The following XPO5 variants were observed in gnomAD, a reference collection of about 807,000 sequenced individuals.
XPO5 encodes exportin-5.
In XPO5, 46 loss-of-function variants were observed where a neutral mutation model predicts 160.6. That is an observed-to-expected ratio of 0.29 (90% CI 0.23 to 0.37). The LOEUF is 0.37. Among genes scored for constraint, XPO5 ranks in the 10% least tolerant of loss-of-function variants. XPO5 has a pLI of 1.00. For synonymous variants in XPO5, 537 were observed against 519.3 expected, an observed-to-expected ratio of 1.03 and a Z score of -0.46; for missense variants, 1,090 against 1,463.9, an observed-to-expected ratio of 0.74 and a Z score of 4.17.
At chr6:43,538,808 C>T (rs1027706300) in intron 20 of XPO5, 253 of 836,554 alleles carry the variant, frequency 3.0e-4, no homozygotes, top group South Asian at 1.2e-3. Context: ...CTTTATTTTT[C>T]TTGTATAAAA....
intron 15 of XPO5, 112 bp from the exon 16 acceptor site, chr6:43,550,046 T>C (rs1261974125): frequency 5.2e-6 from 6 of 1,158,434 alleles, no homozygotes; most frequent in Admixed American, 4.0e-5. Context: ...TTCTCCTGCT[T>C]TAGCCTTCTG....
At position 43,522,673 on chromosome 6, in the gene XPO5, A is replaced by AAAC. The variant is rs1185809083; in HGVS notation, c.*1192_*1194dup. The AAAC allele has an allele frequency of 2.1e-6, 1 of 481,912 alleles. No homozygotes were observed. The highest frequency in any genetic ancestry group is 2.1e-5 in the Admixed American group (1 of 48,042). 29.9% of individuals were successfully genotyped at this position (481,912 alleles called of 1,614,324 possible). On this transcript the variant is annotated 3_prime_UTR_variant, in exon 32 of 32. Coordinates refer to ENST00000265351, the MANE Select transcript of XPO5 (RefSeq NM_020750.3). ...CCTGCCTGTGGCCCGCACCAGCTAA[A>AAAC]AACTGTAGCTTCAGTCCACTTCGGC... is the stretch of plus-strand genomic sequence containing the variant.
intron 20 of XPO5, among the ~76,000 whole-genome samples, chr6:43,545,472 C>T (rs760950678): frequency 8.6e-5 from 13 of 151,864 alleles, no homozygotes; most frequent in Non-Finnish European, 1.8e-4. Context: ...TTTGGGAGGC[C>T]GAGGTGGACT....
chr6:43,554,719 G>A (rs1467411555), intron 13 of XPO5, among the ~76,000 whole-genome samples: 1 of 152,034 alleles, frequency 6.6e-6, no homozygotes, highest in Non-Finnish European at 1.5e-5. Context: ...CACCCTGCCT[G>A]GCCTAAGATT....
At chr6:43,553,534 C>G in intron 13 of XPO5, 31 bp from the exon 14 acceptor site, 1 of 1,529,584 alleles carries the variant, frequency 6.5e-7, no homozygotes, top group Non-Finnish European at 8.8e-7. Context: ...CATACACACA[C>G]ACACACACAC....
At chr6:43,557,127 C>CA (rs58974895) in intron 12 of XPO5, among the ~76,000 whole-genome samples, 8,056 of 60,806 alleles carry the variant, frequency 0.13, 747 homozygotes, top group African/African-American at 0.29. Context: ...GACTCCATCT[C>CA]AAAAAAAAAA....
Position 43,529,325 on chromosome 6 carries a change from G to A in XPO5, c.2678-400C>T, listed in dbSNP as rs774522589. 21 of 687,122 alleles carry A rather than the reference G, an allele frequency of 3.1e-5. No individual in the cohort carries two copies. The East Asian group carries it at 8.0e-4, about 26-fold the overall frequency. 42.6% of individuals were successfully genotyped at this position (687,122 alleles called of 1,614,324 possible). On this transcript the variant is annotated intron_variant, in intron 23 of 31. Coordinates refer to ENST00000265351, the MANE Select transcript of XPO5 (RefSeq NM_020750.3). ...TGGGAGGCCAAGGCGAGTGGATCAC[G>A]GGGTCAAGAGAGCGAGACCATCCTG... is the stretch of plus-strand genomic sequence containing the variant.
At chr6:43,574,776 C>A (rs747278721) in intron 1 of XPO5, among the ~76,000 whole-genome samples, 4 of 152,158 alleles carry the variant, frequency 2.6e-5, no homozygotes, top group Non-Finnish European at 2.9e-5. Flanking sequence ...CAGGAACATG[C>A]AGAATCACTG....
chr6:43,552,499 T>C (rs1339187829), intron 14 of XPO5, among the ~76,000 whole-genome samples: 3 of 152,096 alleles, frequency 2.0e-5, no homozygotes, highest in Non-Finnish European at 2.9e-5. Flanking sequence ...ATTACAGACA[T>C]GCACCAGCAT....
At chr6:43,547,493 A>T in intron 19 of XPO5, 115 bp downstream of exon 19, 1 of 864,326 alleles carries the variant, frequency 1.2e-6, no homozygotes, top group Non-Finnish European at 1.9e-6. Context: ...GGAAGTGGAG[A>T]CTCCCACGTT....
chr6:43,527,641 G>T lies in XPO5; in HGVS notation c.2913C>A (p.Asp971Glu). The T allele has an allele frequency of 6.2e-7, 1 of 1,613,866 alleles. No homozygotes were observed. The highest frequency in any genetic ancestry group is 1.1e-5 in the South Asian group (1 of 91,074). ...TTTCGACATGCCACTTACTGATTAG[G>T]TCCATGACTTCTCGGGTTAACATCC... ...LVRMLTREVM[D>E]LITVCCVSKK... The change falls in exon 26 of 32, where the codon GAC becomes GAA. Residue 971 changes from aspartate (D) to glutamate (E), a missense_variant. Coordinates refer to ENST00000265351, the MANE Select transcript of XPO5 (RefSeq NM_020750.3).
intron 8 of XPO5, 34 bp downstream of exon 8, chr6:43,565,626 A>G (rs754752891): frequency 9.2e-6 from 14 of 1,517,956 alleles, no homozygotes; most frequent in Non-Finnish European, 1.1e-5. Flanking sequence ...TGACAAAGAA[A>G]TTAGAAAACA....
chr6:43,543,762 C>T (rs763158864), intron 20 of XPO5, among the ~76,000 whole-genome samples: 11 of 151,940 alleles, frequency 7.2e-5, no homozygotes, highest in Non-Finnish European at 1.3e-4. Context: ...CTGCAACCTC[C>T]ACCTCCCAGG....
intron 24 of XPO5, among the ~76,000 whole-genome samples, chr6:43,528,465 C>CCCTAGACATACCTGT (rs551505717): frequency 6.3e-4 from 96 of 152,192 alleles, no homozygotes; most frequent in African/African-American, 2.2e-3. Flanking sequence ...ATTCCTGGGT[C>CCCTAGACATACCTGT]TCTAGACATA....
intron 25 of XPO5, 110 bp downstream of exon 25, chr6:43,528,049 A>G (rs967546586): frequency 8.9e-5 from 100 of 1,128,228 alleles, no homozygotes; most frequent in Non-Finnish European, 1.2e-4. Context: ...AATGACTACA[A>G]CCTACTGCTC....
chr6:43,575,926 C>A lies in XPO5; in HGVS notation c.-62G>T. On this transcript the variant is annotated 5_prime_UTR_variant, in exon 1 of 32. Transcript: ENST00000265351. Reference sequence around the variant, plus strand: ...GTCCCGGGACCACGAGGCACGACAGCTCCCTCGGCGAGACCACCCGTTGGT... The same window carrying A: ...GTCCCGGGACCACGAGGCACGACAGATCCCTCGGCGAGACCACCCGTTGGT... 6.5e-7 allele frequency: 1 copy of A among 1,540,836 alleles called. No homozygotes were observed. Among genetic ancestry groups the A allele is most frequent in the Non-Finnish European group, 8.9e-7 (1 of 1,125,116 alleles).
intron 5 of XPO5, 40 bp from the exon 6 acceptor site, chr6:43,568,777 A>G (rs1366169765): frequency 6.5e-7 from 1 of 1,527,220 alleles, no homozygotes; most frequent in South Asian, 1.3e-5. Context: ...TTAATGAGCA[A>G]AAGGCCACAT....
At chr6:43,553,114 G>A (rs1354143057) in intron 14 of XPO5, among the ~76,000 whole-genome samples, 1 of 152,158 alleles carries the variant, frequency 6.6e-6, no homozygotes, top group East Asian at 1.9e-4. Flanking sequence ...AGGAGTTTGA[G>A]ATCAGCCTGG....
intron 20 of XPO5, among the ~76,000 whole-genome samples, chr6:43,544,976 G>A (rs974965432): frequency 5.3e-5 from 8 of 152,174 alleles, no homozygotes; most frequent in Middle Eastern, 3.4e-3. Flanking sequence ...GGGTTCAAGC[G>A]ATTCTCCTGC....
Sources: gnomAD v4.1 joint callset for allele counts (sites outside exome capture counted in the v4.1 genomes callset) on GRCh38, gnomAD v4.1.1 for gene constraint, MANE v1.5 for transcripts, NCBI Gene and HGNC (gene_info 2026-07-23, HGNC 2026-07-21) for gene names.